The following CEP152 variants were observed in gnomAD, a reference collection of about 807,000 sequenced individuals.
CEP152 encodes centrosomal protein of 152 kDa.
Under a neutral mutation model 188.9 loss-of-function variants are expected in CEP152, and 132 were observed. That is an observed-to-expected ratio of 0.70 (90% CI 0.61 to 0.81). CEP152 has a LOEUF of 0.81. Among genes scored for constraint, CEP152 ranks in the 30% least tolerant of loss-of-function variants. The pLI, the probability that CEP152 is intolerant of heterozygous loss-of-function variation, is 0.00. For missense variants in CEP152, 1,914 were observed against 1,969.8 expected (o/e 0.97, Z 0.54); for synonymous variants, 649 against 666.6 (o/e 0.97, Z 0.41).
intron 1 of CEP152, among the ~76,000 whole-genome samples, chr15:48,809,595 C>A (rs1038020487): frequency 2.0e-5 from 3 of 152,172 alleles, no homozygotes; most frequent in Non-Finnish European, 4.4e-5. Context: ...AACCTGGGCT[C>A]AATTCTGGCT....
chr15:48,765,361 A>ATT (rs1160648809), intron 17 of CEP152, among the ~76,000 whole-genome samples: 1 of 151,774 alleles, frequency 6.6e-6, no homozygotes, highest in East Asian at 1.9e-4. Flanking sequence ...AACAATTAAA[A>ATT]TTTTTTTTTA....
In CEP152 at chr15:48,765,636, A is replaced by ATTTTTTTTTTTTTTTTTTTTTTTTTT. The variant is rs34837739; in HGVS notation, c.2280+1398_2280+1423dup. 3.7e-5 allele frequency: 7 copies of ATTTTTTTTTTTTTTTTTTTTTTTTTT among 189,476 alleles called. 1 individual carries two copies. The highest frequency in any genetic ancestry group is 1.9e-4 in the African/African-American group (3 of 15,724). The allele number at this position is 189,476 out of a possible 1,614,324, so 11.7% of individuals were successfully genotyped here. On this transcript the variant is annotated intron_variant, in intron 17 of 26. Transcript: ENST00000380950. ...GAAAATTCCTCTTATGTTCTTGCCA[A>ATTTTTTTTTTTTTTTTTTTTTTTTTT]TTTTTTTTTTTTTTTTTTTTTTTTT...
intron 21 of CEP152, among the ~76,000 whole-genome samples, chr15:48,751,064 A>C (rs556961373): frequency 1.3e-5 from 2 of 152,320 alleles, no homozygotes; most frequent in African/African-American, 4.8e-5. Context: ...ATATTAGGAC[A>C]ACATAACCAA....
At chr15:48,802,672 C>T (rs572143767) in intron 2 of CEP152, among the ~76,000 whole-genome samples, 2 of 151,956 alleles carry the variant, frequency 1.3e-5, no homozygotes, top group Non-Finnish European at 2.9e-5. Context: ...TGGTCTCTGG[C>T]TTGAGATCCA....
intron 6 of CEP152, 55 bp from the exon 7 acceptor site, chr15:48,793,516 G>A: frequency 6.7e-7 from 1 of 1,503,130 alleles, no homozygotes; most frequent in Middle Eastern, 2.3e-4. Flanking sequence ...TAAATTTATA[G>A]TCATTTAAAG....
chr15:48,781,004 G>T (rs1191357930), intron 12 of CEP152, among the ~76,000 whole-genome samples, 192 bp downstream of exon 12: 3 of 152,082 alleles, frequency 2.0e-5, no homozygotes, highest in Admixed American at 6.6e-5. Flanking sequence ...TAAAAGTAAG[G>T]TCATAGTAAG....
At chr15:48,766,977 T>C (rs746687737) in intron 17 of CEP152, 83 bp downstream of exon 17, 90 of 1,574,270 alleles carry the variant, frequency 5.7e-5, no homozygotes, top group Non-Finnish European at 6.9e-5. Context: ...TTCACTTCTC[T>C]AGAACAAATG....
intron 12 of CEP152, among the ~76,000 whole-genome samples, chr15:48,774,097 T>C (rs925690755): frequency 1.3e-5 from 2 of 151,940 alleles, no homozygotes; most frequent in Admixed American, 6.6e-5. Context: ...AATTATAATA[T>C]CTGAAATGTA....
At chr15:48,749,587 T>C (rs945612454) in intron 21 of CEP152, among the ~76,000 whole-genome samples, 1 of 151,922 alleles carries the variant, frequency 6.6e-6, no homozygotes, top group Admixed American at 6.6e-5. Context: ...TGTAACAACA[T>C]ATCACCCCTT....
chr15:48,753,419 C>A (rs1894021891), intron 20 of CEP152, among the ~76,000 whole-genome samples: 1 of 152,184 alleles, frequency 6.6e-6, no homozygotes, highest in Non-Finnish European at 1.5e-5. Flanking sequence ...AGTAGTCTTA[C>A]TGATTATTTA....
intron 1 of CEP152, 140 bp from the exon 2 acceptor site, chr15:48,805,796 C>A: frequency 3.5e-6 from 4 of 1,129,556 alleles, no homozygotes; most frequent in Non-Finnish European, 5.0e-6. Context: ...CAGTTATGGC[C>A]AATAAAAATA....
chr15:48,788,985 CT>C lies in CEP152; in HGVS notation c.988del (p.Arg330GlufsTer10). The C allele has an allele frequency of 1.9e-6, 3 of 1,614,122 alleles. No individual in the cohort carries two copies. The South Asian group carries it at 3.3e-5, about 18-fold the overall frequency. The part of the protein sequence containing the change: ...VNEEQMIKKS[R>X]TTEMALESLK... The stretch of plus-strand genomic sequence containing the variant: ...GCTTTCCAGAGCCATTTCAGTTGTT[CT>C]GGACTTCTTGATCATCTAGTAAATA... On this transcript the variant is annotated frameshift_variant, in exon 9 of 27. Coordinates refer to ENST00000380950, the MANE Select transcript of CEP152 (RefSeq NM_001194998.2). LOFTEE classifies it high-confidence loss of function.
chr15:48,791,177 A>C (rs1896963242), intron 8 of CEP152, 60 bp downstream of exon 8: 5 of 1,488,146 alleles, frequency 3.4e-6, no homozygotes, highest in African/African-American at 2.8e-5. Flanking sequence ...ACCCTACAAA[A>C]AGTTTTGTTA....
intron 13 of CEP152, among the ~76,000 whole-genome samples, chr15:48,770,918 T>A (rs565455670): frequency 6.6e-6 from 1 of 152,166 alleles, no homozygotes; most frequent in South Asian, 2.1e-4. Context: ...ATATTATACA[T>A]ACTTTAGCAG....
chr15:48,768,575 T>C (rs1214159951), intron 14 of CEP152, among the ~76,000 whole-genome samples: 3 of 152,344 alleles, frequency 2.0e-5, no homozygotes, highest in Admixed American at 6.5e-5. Context: ...CTTTGAAATA[T>C]ATAAAATGAA....
intron 23 of CEP152, 72 bp from the exon 24 acceptor site, chr15:48,744,415 A>T: frequency 6.3e-7 from 1 of 1,578,992 alleles, no homozygotes; most frequent in East Asian, 2.4e-5. Context: ...ATATATATGT[A>T]TCCATATACT....
intron 2 of CEP152, among the ~76,000 whole-genome samples, chr15:48,800,225 A>G (rs1897591770): frequency 6.6e-6 from 1 of 152,220 alleles, no homozygotes; most frequent in Admixed American, 6.5e-5. Flanking sequence ...AATCATCCCT[A>G]TAGTATTCAG....
chr15:48,730,132 G>A (rs1011084439), intron 2 of CEP152, among the ~76,000 whole-genome samples: 13 of 152,128 alleles, frequency 8.5e-5, no homozygotes, highest in Non-Finnish European at 1.8e-4. Flanking sequence ...ACTCTGAGGC[G>A]TTCTTACCAG....
intron 13 of CEP152, among the ~76,000 whole-genome samples, chr15:48,771,759 A>T (rs973715466): frequency 9.9e-5 from 15 of 152,222 alleles, no homozygotes; most frequent in African/African-American, 3.4e-4. Flanking sequence ...CATCTAACCT[A>T]TTAAAACCAT....
Sources: allele counts gnomAD v4.1 joint callset (sites outside exome capture counted in the v4.1 genomes callset), GRCh38; gene constraint gnomAD v4.1.1; transcripts MANE v1.5; gene names NCBI Gene and HGNC (gene_info 2026-07-23, HGNC 2026-07-21).